GOT2: variants seen among roughly 807,000 people sequenced by gnomAD.
The protein encoded by GOT2 is aspartate aminotransferase, mitochondrial.
GOT2 carries 17 observed loss-of-function variants against 50.0 expected under a neutral mutation model. That is an observed-to-expected ratio of 0.34 (90% CI 0.23 to 0.51). The LOEUF (loss-of-function observed/expected upper bound fraction) is 0.51. GOT2 is among the 20% of genes least tolerant of loss of function. The pLI, the probability that GOT2 is intolerant of heterozygous loss-of-function variation, is 0.97. For missense variants in GOT2, 430 were observed against 559.6 expected (o/e 0.77, Z 2.34); for synonymous variants, 172 against 204.9 (o/e 0.84, Z 1.37).
chr16:58,710,315 G>A (rs964378854), intron 8 of GOT2, among the ~76,000 whole-genome samples: 10 of 152,054 alleles, frequency 6.6e-5, no homozygotes, highest in Non-Finnish European at 1.2e-4. Context: ...AATCTTCCAG[G>A]CTCAAGTGAT....
intron 1 of GOT2, among the ~76,000 whole-genome samples, chr16:58,733,259 C>T (rs1329015372): frequency 6.6e-6 from 1 of 152,154 alleles, no homozygotes; most frequent in African/African-American, 2.4e-5. Flanking sequence ...TACTATTATA[C>T]ACGCCACAGT....
intron 2 of GOT2, among the ~76,000 whole-genome samples, chr16:58,722,662 G>A (rs9926863): frequency 0.031 from 4,693 of 152,054 alleles, 229 homozygotes; most frequent in African/African-American, 0.11. Flanking sequence ...GAGCCACTGC[G>A]CCCGGCCAAA....
At chr16:58,725,855 A>C (rs1028079982) in intron 1 of GOT2, among the ~76,000 whole-genome samples, 3 of 152,232 alleles carry the variant, frequency 2.0e-5, no homozygotes, top group Admixed American at 6.5e-5. Context: ...AATAAATACA[A>C]CTGTGTGTTT....
rs1223122024 is a variant in GOT2 at position 58,734,266 on chromosome 16, G to C, written c.-38C>G. On this transcript the variant is annotated 5_prime_UTR_variant, in exon 1 of 10. Coordinates refer to ENST00000245206, the MANE Select transcript of GOT2 (RefSeq NM_002080.4). Reference sequence around the variant, plus strand: ...GAGGGCAGTGGGCAGCCGCAGGACGGAGCAGAGGGCGAGCGGACACACACA... The same window carrying C: ...GAGGGCAGTGGGCAGCCGCAGGACGCAGCAGAGGGCGAGCGGACACACACA... 2.6e-6 allele frequency: 3 copies of C among 1,134,636 alleles called. No homozygotes were observed. Among genetic ancestry groups the C allele is most frequent in the Non-Finnish European group, 3.4e-6 (3 of 872,972 alleles). The allele number at this position is 1,134,636 out of a possible 1,614,324, so 70.3% of individuals were successfully genotyped here.
Position 58,716,139 on chromosome 16 carries a change from C to A in GOT2, c.894G>T (p.Ala298=). 2 of 1,613,810 alleles carry A rather than the reference C, an allele frequency of 1.2e-6. No individual in the cohort carries two copies. Among genetic ancestry groups the A allele is most frequent in the East Asian group, 2.2e-5 (1 of 44,858 alleles). ...GTGACTCTACCCTTTTGGCTTCATC[C>A]GCATCTTTGCAGACCATAGTGAAGG... ...VGAFTMVCKD[A]DEAKRVESQL... is the part of the protein sequence containing the mutation. Residue 298 remains alanine (A), a synonymous_variant, in exon 8 of 10, where the codon GCG becomes GCT. Coordinates refer to ENST00000245206, the MANE Select transcript of GOT2 (RefSeq NM_002080.4).
rs185156164 is a variant in GOT2 at position 58,711,417 on chromosome 16, A to C, written c.1020-1850T>G. On this transcript the variant is annotated intron_variant, in intron 8 of 9. Coordinates refer to ENST00000245206, the MANE Select transcript of GOT2 (RefSeq NM_002080.4). ...TCCACTCCATTCCCATGGCTCTGGGACATTCTTGGCTCTCACCAATGACAT... is the reference window on the plus strand; with the variant it reads ...TCCACTCCATTCCCATGGCTCTGGGCCATTCTTGGCTCTCACCAATGACAT... Among the ~76,000 whole-genome samples the C allele has an allele frequency of 3.9e-5, 6 of 152,224 alleles. No individual in the cohort carries two copies. The East Asian group carries it at 1.2e-3, about 29-fold the overall frequency.
chr16:58,713,501 CA>C (rs1567485786), intron 8 of GOT2, among the ~76,000 whole-genome samples: 1 of 151,832 alleles, frequency 6.6e-6, no homozygotes, highest in East Asian at 1.9e-4. Flanking sequence ...AAAAACAAAA[CA>C]AAACAAAACA....
intron 3 of GOT2, among the ~76,000 whole-genome samples, chr16:58,720,767 C>T (rs776840207): frequency 5.9e-5 from 9 of 151,404 alleles, no homozygotes; most frequent in Non-Finnish European, 8.8e-5. Context: ...TTAGTAGAGA[C>T]GGGGGGGCGG....
Position 58,723,686 on chromosome 16 carries a change from T to C in GOT2, c.246+60A>G, listed in dbSNP as rs1036194211. ...CCCGGTCCAGCACTATTCCTGCCAC[T>C]CTCCAGGGCTCTCTTCAGTTTATTC... On this transcript the variant is annotated intron_variant, in intron 2 of 9. Transcript: ENST00000245206. 14 of 1,389,106 alleles carry C rather than the reference T, an allele frequency of 1.0e-5. No individual in the cohort carries two copies. In the Admixed American group the frequency reaches 2.3e-4, roughly 23 times the overall value. The allele number at this position is 1,389,106 out of a possible 1,614,324, so 86.0% of individuals were successfully genotyped here.
rs1279682850 is a variant in GOT2, at chr16:58,707,388, A to G, written c.*783T>C. On this transcript the variant is annotated 3_prime_UTR_variant, in exon 10 of 10. Coordinates refer to ENST00000245206, the MANE Select transcript of GOT2 (RefSeq NM_002080.4). ...CATCCCAACTGGAGAAACTTGCACT[A>G]TCATTCAAGAGGATGCCGAGATAAA... 1 of 152,224 alleles carries G rather than the reference A, an allele frequency of 6.6e-6. No homozygotes were observed. The highest frequency in any genetic ancestry group is 1.5e-5 in the Non-Finnish European group (1 of 68,042). 9.4% of individuals were successfully genotyped at this position (152,224 alleles called of 1,614,324 possible).
chr16:58,727,319 C>T (rs1420099193), intron 1 of GOT2, among the ~76,000 whole-genome samples: 1 of 151,670 alleles, frequency 6.6e-6, no homozygotes, highest in East Asian at 1.9e-4. Flanking sequence ...TCTTGATGGC[C>T]TAGTTTCCTT....
chr16:58,713,133 C>T (rs2044663775), intron 8 of GOT2, among the ~76,000 whole-genome samples: 4 of 151,718 alleles, frequency 2.6e-5, no homozygotes, highest in Admixed American at 2.0e-4. Flanking sequence ...AAAAACCACA[C>T]ACACAAACAA....
chr16:58,733,292 T>C (rs573468669), intron 1 of GOT2, among the ~76,000 whole-genome samples: 1 of 152,308 alleles, frequency 6.6e-6, no homozygotes, highest in East Asian at 1.9e-4. Context: ...TTGTCATTTT[T>C]TGAGCAATGA....
intron 8 of GOT2, among the ~76,000 whole-genome samples, chr16:58,710,167 G>A (rs1486305199): frequency 6.6e-6 from 1 of 152,046 alleles, no homozygotes; most frequent in African/African-American, 2.4e-5. Context: ...CAGAGTGCCG[G>A]GATTACAGGT....
intron 8 of GOT2, among the ~76,000 whole-genome samples, chr16:58,710,354 G>C (rs1170627941): frequency 6.6e-6 from 1 of 151,830 alleles, no homozygotes; most frequent in Non-Finnish European, 1.5e-5. Context: ...CAAGTAGCTG[G>C]GACCACAAGT....
intron 1 of GOT2, among the ~76,000 whole-genome samples, chr16:58,725,287 G>C (rs1192037403): frequency 2.0e-5 from 3 of 151,848 alleles, no homozygotes; most frequent in African/African-American, 4.8e-5. Flanking sequence ...GCTAATTTTT[G>C]TGTTTTTAGT....
intron 8 of GOT2, among the ~76,000 whole-genome samples, chr16:58,715,639 G>A (rs1185151144): frequency 2.0e-5 from 3 of 152,126 alleles, no homozygotes; most frequent in South Asian, 2.1e-4. Flanking sequence ...TGCAGCCTTC[G>A]CCTCCCAGGT....
chr16:58,724,383 A>C (rs1597704003), intron 1 of GOT2, among the ~76,000 whole-genome samples: 1 of 151,912 alleles, frequency 6.6e-6, no homozygotes, highest in South Asian at 2.1e-4. Context: ...CCAGGGTTCA[A>C]ACAATTCTGC....
intron 2 of GOT2, among the ~76,000 whole-genome samples, chr16:58,723,249 A>G (rs541370997): frequency 1.6e-4 from 24 of 152,388 alleles, no homozygotes; most frequent in African/African-American, 5.5e-4. Context: ...TAGTTAACAA[A>G]TAAAGATGCT....
Sources: allele counts gnomAD v4.1 joint callset (sites outside exome capture counted in the v4.1 genomes callset), GRCh38; gene constraint gnomAD v4.1.1; transcripts MANE v1.5; gene names NCBI Gene and HGNC (gene_info 2026-07-23, HGNC 2026-07-21).